CCDC158: variants seen among roughly 807,000 people sequenced by gnomAD.
The protein encoded by CCDC158 is coiled-coil domain-containing protein 158.
In CCDC158, 116 loss-of-function variants were observed where a neutral mutation model predicts 138.6. That is an observed-to-expected ratio of 0.84 (90% CI 0.72 to 0.98). The LOEUF (loss-of-function observed/expected upper bound fraction) is 0.98. Among genes scored for constraint, CCDC158 ranks in the 50% least tolerant of loss-of-function variants. The pLI is 0.00. For synonymous variants in CCDC158, 436 were observed against 442.4 expected, an observed-to-expected ratio of 0.99 and a Z score of 0.18; for missense variants, 1,265 against 1,306.1, an observed-to-expected ratio of 0.97 and a Z score of 0.48.
rs1720981770 is a variant in CCDC158, at chr4:76,331,290, A to T, written c.2942+54T>A. ...AGACAGTTAAAGATCTTTTGAATTA[A>T]TAATGAACAGTCGTAAAAGGGACAT... On this transcript the variant is annotated intron_variant, in intron 21 of 24. Transcript: ENST00000682701. 7 of 1,458,796 alleles carry T rather than the reference A, an allele frequency of 4.8e-6. No homozygotes were observed. The South Asian group carries it at 6.8e-5, about 14-fold the overall frequency. 90.4% of individuals were successfully genotyped at this position (1,458,796 alleles called of 1,614,324 possible). A position where few individuals can be genotyped will look rare whatever the true frequency, so the allele number is the denominator to read the frequency against.
Position 76,367,353 on chromosome 4 carries a change from C to G in CCDC158, c.1771G>C (p.Glu591Gln). The G allele has an allele frequency of 6.2e-7, 1 of 1,614,058 alleles. No homozygotes were observed. Among genetic ancestry groups the G allele is most frequent in the South Asian group, 1.1e-5 (1 of 91,072 alleles). ...ATTTCTTTCTCCAGTTGAGCTTTTT[C>G]TACTTGCATAGCTCCAGCAGTTCGT... Reference protein sequence around the residue: ...HGRTAGAMQVEKAQLEKEIND... With the variant: ...HGRTAGAMQVQKAQLEKEIND... The change falls in exon 12 of 25, where the codon GAA becomes CAA. Residue 591 changes from glutamate to glutamine, a missense_variant. Coordinates refer to ENST00000682701, the MANE Select transcript of CCDC158 (RefSeq NM_001394954.1).
At chr4:76,349,699 C>A (rs1331171020) in intron 18 of CCDC158, among the ~76,000 whole-genome samples, 1 of 152,056 alleles carries the variant, frequency 6.6e-6, no homozygotes, top group Non-Finnish European at 1.5e-5. Flanking sequence ...CAAATAAATA[C>A]TTAAGTTAAA....
intron 24 of CCDC158, among the ~76,000 whole-genome samples, chr4:76,319,490 A>ATG: frequency 9.6e-6 from 1 of 103,756 alleles, no homozygotes; most frequent in African/African-American, 3.8e-5. Context: ...ATATATATAT[A>ATG]TATATATATA....
chr4:76,322,997 G>A (rs1250934925), intron 24 of CCDC158, among the ~76,000 whole-genome samples: 2 of 152,116 alleles, frequency 1.3e-5, no homozygotes, highest in Admixed American at 1.3e-4. Context: ...CAACAAGAAA[G>A]ACGGTGTGTG....
At chr4:76,316,576 T>C (rs1039727339) in intron 24 of CCDC158, among the ~76,000 whole-genome samples, 10 of 152,096 alleles carry the variant, frequency 6.6e-5, no homozygotes, top group Admixed American at 5.9e-4. Context: ...GACTCACTAG[T>C]GATCTAGACA....
intron 9 of CCDC158, chr4:76,375,512 A>T: frequency 1.4e-6 from 1 of 699,908 alleles, no homozygotes. Flanking sequence ...AGCCAGTGCT[A>T]CTAAATCATC....
chr4:76,376,414 T>C (rs1725725305), intron 9 of CCDC158, among the ~76,000 whole-genome samples: 1 of 152,138 alleles, frequency 6.6e-6, no homozygotes, highest in Non-Finnish European at 1.5e-5. Context: ...CTTTGATATT[T>C]TTCCTTGTTG....
At chr4:76,389,213 C>G (rs538456784) in intron 4 of CCDC158, among the ~76,000 whole-genome samples, 1 of 151,840 alleles carries the variant, frequency 6.6e-6, no homozygotes, top group Non-Finnish European at 1.5e-5. Flanking sequence ...AAATTAAAGA[C>G]AACTCAGAGA....
intron 2 of CCDC158, among the ~76,000 whole-genome samples, chr4:76,405,175 A>C (rs1728717632): frequency 6.6e-6 from 1 of 152,212 alleles, no homozygotes; most frequent in South Asian, 2.1e-4. Context: ...TTACAAAGGC[A>C]AGAAGATTAG....
intron 9 of CCDC158, among the ~76,000 whole-genome samples, chr4:76,374,088 T>G (rs1245602072): frequency 1.3e-5 from 2 of 152,024 alleles, no homozygotes; most frequent in East Asian, 1.9e-4. Context: ...CCTGGGAGTT[T>G]GAAGCTGTAA....
rs377522040 is a variant in CCDC158 at position 76,355,486 on chromosome 4, G to C, written c.2174-50C>G. Reference sequence around the variant, plus strand: ...ATGCCTTAGGTTCTTAAGTTTGAGAGACTATGGTAATTTGATGGTTAAACT... The same window carrying C: ...ATGCCTTAGGTTCTTAAGTTTGAGACACTATGGTAATTTGATGGTTAAACT... On this transcript the variant is annotated intron_variant, in intron 14 of 24. Transcript: ENST00000682701. 1.7e-5 allele frequency: 20 copies of C among 1,177,814 alleles called. No homozygotes were observed. In the African/African-American group the frequency reaches 2.1e-4, roughly 12 times the overall value. The allele number at this position is 1,177,814 out of a possible 1,614,324, so 73.0% of individuals were successfully genotyped here.
At chr4:76,382,882 C>G (rs966707104) in intron 7 of CCDC158, among the ~76,000 whole-genome samples, 162 bp from the exon 8 acceptor site, 2 of 152,054 alleles carry the variant, frequency 1.3e-5, no homozygotes, top group Non-Finnish European at 2.9e-5. Flanking sequence ...AGTCCAAAAC[C>G]CTTTATCCAA....
intron 18 of CCDC158, among the ~76,000 whole-genome samples, chr4:76,339,739 T>C (rs962544035): frequency 1.1e-4 from 17 of 152,234 alleles, no homozygotes; most frequent in Admixed American, 3.3e-4. Flanking sequence ...GAGGTCGATT[T>C]TGAATGTGAG....
intron 18 of CCDC158, among the ~76,000 whole-genome samples, chr4:76,335,398 C>T (rs1721387663): frequency 6.6e-6 from 1 of 152,018 alleles, no homozygotes; most frequent in Non-Finnish European, 1.5e-5. Context: ...CATCTTCTGC[C>T]CACCAGAAAG....
chr4:76,331,579 T>C (rs1578882267), intron 20 of CCDC158, among the ~76,000 whole-genome samples, 176 bp from the exon 21 acceptor site: 1 of 152,212 alleles, frequency 6.6e-6, no homozygotes, highest in African/African-American at 2.4e-5. Context: ...TCTCTCAACA[T>C]TACTTTTAGA....
At chr4:76,315,981 C>T (rs1340805585) in intron 24 of CCDC158, among the ~76,000 whole-genome samples, 1 of 152,122 alleles carries the variant, frequency 6.6e-6, no homozygotes, top group Admixed American at 6.5e-5. Context: ...GAGTTCCGGG[C>T]TTTTCCACTG....
chr4:76,357,697 T>C (rs925226762), intron 13 of CCDC158, among the ~76,000 whole-genome samples, 171 bp from the exon 14 acceptor site: 1 of 152,208 alleles, frequency 6.6e-6, no homozygotes, highest in Admixed American at 6.5e-5. Flanking sequence ...ATTCCAGGGA[T>C]ATGACCCTTT....
rs1045526417 is a variant in CCDC158 at position 76,327,328 on chromosome 4, A to T, written c.3011-1313T>A. 5.3e-5 allele frequency among the ~76,000 whole-genome samples: 8 copies of T among 152,322 alleles called. No individual in the cohort carries two copies. The East Asian group carries it at 1.5e-3, about 29-fold the overall frequency. On this transcript the variant is annotated intron_variant, in intron 22 of 24. Transcript: ENST00000682701. ...CAATTATTTTATTTAAGAATATTAC[A>T]TTTTGATTATAAATATAGTTACAAT...
chr4:76,331,968 T>C (rs1284480439), intron 20 of CCDC158, among the ~76,000 whole-genome samples: 1 of 152,220 alleles, frequency 6.6e-6, no homozygotes, highest in Non-Finnish European at 1.5e-5. Context: ...TTTGGAGTTA[T>C]GGATTTCATT....
Sources: gnomAD v4.1 joint callset for allele counts (sites outside exome capture counted in the v4.1 genomes callset) on GRCh38, gnomAD v4.1.1 for gene constraint, MANE v1.5 for transcripts, NCBI Gene and HGNC (gene_info 2026-07-23, HGNC 2026-07-21) for gene names.